Variants in CASZ1 observed in about 807,000 individuals in gnomAD.
CASZ1 encodes the protein zinc finger protein castor homolog 1.
A neutral mutation model predicts 135.2 loss-of-function variants in CASZ1; 28 were observed. The ratio of observed to expected loss-of-function variants is 0.21; its 90% CI spans 0.15 to 0.28. The LOEUF is 0.28. Ranked by LOEUF, CASZ1 falls within the 10% of genes least tolerant of loss-of-function variation. CASZ1 has a pLI of 1.00. For synonymous variants in CASZ1, 1,068 were observed against 1,073.4 expected (o/e 0.99, Z 0.10); for missense variants, 2,161 against 2,453.3 (o/e 0.88, Z 2.52).
intron 2 of CASZ1, among the ~76,000 whole-genome samples, chr1:10,729,929 C>T (rs1339824128): frequency 1.3e-5 from 2 of 152,062 alleles, no homozygotes; most frequent in African/African-American, 4.8e-5. Flanking sequence ...AATTCTCTGC[C>T]TTAGCCTCCA....
intron 2 of CASZ1, among the ~76,000 whole-genome samples, chr1:10,729,847 G>T (rs1000113153): frequency 6.6e-6 from 1 of 151,914 alleles, no homozygotes; most frequent in Non-Finnish European, 1.5e-5. Context: ...ATGGAGTCTC[G>T]CTCTGTCGCC....
chr1:10,754,043 C>G (rs922326265), intron 2 of CASZ1, among the ~76,000 whole-genome samples: 2 of 152,132 alleles, frequency 1.3e-5, no homozygotes, highest in African/African-American at 4.8e-5. Context: ...CTCCAACACG[C>G]CTCTGGGATC....
chr1:10,643,215 C>T lies in CASZ1; in HGVS notation c.3965G>A (p.Arg1322Gln), dbSNP rs1326600792. ...CCCCAGCATCCTCCGCATGTGCTTCCGCGCGTGGGAGGTCATCTGGTGCTT... is the reference window on the plus strand; with the variant it reads ...CCCCAGCATCCTCCGCATGTGCTTCTGCGCGTGGGAGGTCATCTGGTGCTT... ...LLKHQMTSHA[R>Q]KHMRRMLGKN... The change falls in exon 19 of 21, where the codon CGG becomes CAG. Residue 1322 changes from arginine (R) to glutamine (Q), a missense_variant. By Grantham distance (43) the Arg-to-Gln change is conservative (BLOSUM62 1). Coordinates refer to ENST00000377022, the MANE Select transcript of CASZ1 (RefSeq NM_001079843.3). 26 of 1,612,636 alleles carry T rather than the reference C, an allele frequency of 1.6e-5. No individual in the cohort carries two copies. Among genetic ancestry groups the T allele is most frequent in the Non-Finnish European group, 2.2e-5 (26 of 1,180,008 alleles).
Position 10,649,113 on chromosome 1 carries a change from C to A in CASZ1, c.3115G>T (p.Gly1039Cys). The change falls in exon 15 of 21, where the codon GGC becomes TGC. Residue 1039 changes from glycine (G) to cysteine (C), a missense_variant. This residue lies in a region of CASZ1 where 349 missense variants were observed against 460.8 expected (regional missense o/e 0.76). Transcript: ENST00000377022. ...CCGTCCAAGGTGCTGAAGAGCGCGCCGCATTCCTCCACCACGCAGTGGAAG... is the reference window on the plus strand; with the variant it reads ...CCGTCCAAGGTGCTGAAGAGCGCGCAGCATTCCTCCACCACGCAGTGGAAG... Reference protein sequence around the residue: ...AHFHCVVEECGALFSTLDGAI... With the variant: ...AHFHCVVEECCALFSTLDGAI... The A allele has an allele frequency of 6.2e-7, 1 of 1,613,668 alleles. No individual in the cohort carries two copies. Among genetic ancestry groups the A allele is most frequent in the Non-Finnish European group, 8.5e-7 (1 of 1,180,024 alleles).
intron 20 of CASZ1, among the ~76,000 whole-genome samples, chr1:10,641,159 C>T (rs1642188920): frequency 6.6e-6 from 1 of 152,236 alleles, no homozygotes; most frequent in African/African-American, 2.4e-5. Context: ...CCGGAGTGGA[C>T]AAAAACGGAG....
At position 10,697,527 on chromosome 1, in the gene CASZ1, CCA is replaced by C. The variant is rs1433993669; in HGVS notation, c.-23-3617_-23-3616del. ...AGCGGTTCCCCCCAACCCAGGCTCCCCACATCAGCACCAAGGAAAGCCATCTG... is the reference window on the plus strand; with the variant it reads ...AGCGGTTCCCCCCAACCCAGGCTCCCCATCAGCACCAAGGAAAGCCATCTG... On this transcript the variant is annotated intron_variant, in intron 3 of 20. Coordinates refer to ENST00000377022, the MANE Select transcript of CASZ1 (RefSeq NM_001079843.3). This position sits in a 1 kb window ranked among gnomAD's most constrained non-coding sequence, Gnocchi z 4.7. Among the ~76,000 whole-genome samples, 3 of 152,078 alleles carry C rather than the reference CCA, an allele frequency of 2.0e-5. No individual in the cohort carries two copies. The highest frequency in any genetic ancestry group is 4.4e-5 in the Non-Finnish European group (3 of 68,000).
At position 10,650,984 on chromosome 1, in the gene CASZ1, C is replaced by T; in HGVS notation, c.2773G>A (p.Ala925Thr). 2.5e-6 allele frequency: 4 copies of T among 1,580,344 alleles called. No homozygotes were observed. The South Asian group carries it at 3.5e-5, about 14-fold the overall frequency. ...AGGTCTAGACTGCGGTCCTGGGAGG[C>T]TTCGTGGGGGCCTGGGGCGCCGGTG... is the stretch of plus-strand genomic sequence containing the variant. ...ESTGAPGPHE[A>T]SQDRSLDLTV... Residue 925 changes from alanine to threonine, a missense_variant, in exon 12 of 21, where the codon GCC (alanine) becomes ACC (threonine). This residue lies in a region of CASZ1 where 406 missense variants were observed against 387.6 expected (regional missense o/e 1.05). Transcript: ENST00000377022.
At chr1:10,744,438 C>T (rs1217921292) in intron 2 of CASZ1, among the ~76,000 whole-genome samples, 2 of 20,156 alleles carry the variant, frequency 9.9e-5, no homozygotes, top group African/African-American at 4.8e-4. Flanking sequence ...CAGGCATGTC[C>T]TGGGCACCAC....
rs777083893 is a variant in CASZ1, at chr1:10,675,492, G to A, written c.17-9921C>T. 1.2e-3 allele frequency among the ~76,000 whole-genome samples: 182 copies of A among 152,106 alleles called. 1 individual carries two copies. The highest frequency in any genetic ancestry group is 1.3e-3 in the Non-Finnish European group (88 of 68,006). ...CCTGGGTGGGGAGGCTTCAAGAGGG[G>A]TGAGGCCAGTGCCCAGCTCAGCCTC... On this transcript the variant is annotated intron_variant, in intron 4 of 20. Transcript: ENST00000377022.
At chr1:10,650,412 C>T (rs1020495179) in intron 13 of CASZ1, 152 of 295,332 alleles carry the variant, frequency 5.1e-4, no homozygotes, top group Admixed American at 2.5e-3. Flanking sequence ...GAGGCACGAA[C>T]GAAGTTGAAG....
rs966367514 is a variant in CASZ1 at position 10,641,372 on chromosome 1, C to T, written c.4163-1313G>A. 6.6e-5 allele frequency among the ~76,000 whole-genome samples: 10 copies of T among 152,322 alleles called. No individual in the cohort carries two copies. In the South Asian group the frequency reaches 1.9e-3, roughly 28 times the overall value. ...CTGGCCATAACTCCTGGGGCCTGTA[C>T]TCAGGCAGCACGTGAGGCAAGAATT... On this transcript the variant is annotated intron_variant, in intron 20 of 20. Transcript: ENST00000377022.
chr1:10,750,454 T>A (rs907840540), intron 2 of CASZ1, among the ~76,000 whole-genome samples: 1 of 152,118 alleles, frequency 6.6e-6, no homozygotes, highest in African/African-American at 2.4e-5. Context: ...GGCTAATTTT[T>A]ATTTTTTAAT....
intron 4 of CASZ1, among the ~76,000 whole-genome samples, chr1:10,673,617 G>A (rs556577442): frequency 2.6e-5 from 4 of 152,262 alleles, no homozygotes; most frequent in East Asian, 3.9e-4. Context: ...ACCCATGCAC[G>A]CAGTCAAAGA....
In CASZ1 at chr1:10,646,919, C is replaced by T. The variant is rs573183968; in HGVS notation, c.3498-593G>A. Among the ~76,000 whole-genome samples the T allele has an allele frequency of 3.1e-4, 47 of 152,170 alleles. 1 individual carries two copies. The highest frequency in any genetic ancestry group is 3.2e-4 in the Non-Finnish European group (22 of 68,016). On this transcript the variant is annotated intron_variant, in intron 16 of 20. Transcript: ENST00000377022. This position sits in a 1 kb window ranked among gnomAD's most constrained non-coding sequence, Gnocchi z 6.4. Reference sequence around the variant, plus strand: ...CTCACTTGCCGGCGGAGTGGGAGAGCTGCTGGGGCAGAGCGGGTGTGCTGG... The same window carrying T: ...CTCACTTGCCGGCGGAGTGGGAGAGTTGCTGGGGCAGAGCGGGTGTGCTGG...
Position 10,648,070 on chromosome 1 carries a change from G to T in CASZ1, c.3228C>A (p.Ala1076=), listed in dbSNP as rs760833806. The change falls in exon 16 of 21, where the codon GCC becomes GCA. Residue 1076 remains alanine, a synonymous_variant. Coordinates refer to ENST00000377022, the MANE Select transcript of CASZ1 (RefSeq NM_001079843.3). ...NTEAAFPASA[A]ETKPPMAPSS... is the part of the protein sequence containing the mutation. ...AGGGGGCCATGGGAGGTTTGGTCTC[G>T]GCGGCCGAGGCCGGAAAGGCAGCCT... is the stretch of plus-strand genomic sequence containing the variant. 6.3e-7 allele frequency: 1 copy of T among 1,589,964 alleles called. No individual in the cohort carries two copies. Among genetic ancestry groups the T allele is most frequent in the Admixed American group, 1.8e-5 (1 of 55,698 alleles).
chr1:10,653,429 C>G lies in CASZ1; in HGVS notation c.2628G>C (p.Met876Ile), dbSNP rs1642664940. Residue 876 changes from methionine to isoleucine, a missense_variant, in exon 11 of 21, where the codon ATG (methionine) becomes ATC (isoleucine). Around this residue, in one of 7 missense-constraint regions of CASZ1, gnomAD observed 406 missense variants for 387.6 expected, o/e 1.05. Transcript: ENST00000377022. Reference sequence around the variant, plus strand: ...GGGCAGCTGCAGCCAGCCTGGCCATCATGGGCGAGATGAGGCCCTTGCTTG... The same window carrying G: ...GGGCAGCTGCAGCCAGCCTGGCCATGATGGGCGAGATGAGGCCCTTGCTTG... Reference protein sequence around the residue: ...ISASKGLISPMMARLAAAALK... With the variant: ...ISASKGLISPIMARLAAAALK... The G allele has an allele frequency of 1.9e-6, 3 of 1,613,260 alleles. No individual in the cohort carries two copies. Among genetic ancestry groups the G allele is most frequent in the Non-Finnish European group, 2.5e-6 (3 of 1,180,020 alleles).
In CASZ1 at chr1:10,657,743, G is replaced by GGACA. The variant is rs1179399477; in HGVS notation, c.1409+761_1409+764dup. On this transcript the variant is annotated intron_variant, in intron 7 of 20. Transcript: ENST00000377022. The surrounding 1 kb of genome is among the most constrained non-coding windows in gnomAD (Gnocchi z 5.7). Reference sequence around the variant, plus strand: ...GGCGGGAGGAACCTGGAAGATCTGCGGACAGACAGGCGCCAGCCGCTGGGT... The same window carrying GGACA: ...GGCGGGAGGAACCTGGAAGATCTGCGGACAGACAGACAGGCGCCAGCCGCTGGGT... Among the ~76,000 whole-genome samples, 1 of 147,006 alleles carries GGACA rather than the reference G, an allele frequency of 6.8e-6. No individual in the cohort carries two copies. The highest frequency in any genetic ancestry group is 2.5e-5 in the African/African-American group (1 of 39,880).
rs1275945705 is a variant in CASZ1 at position 10,777,989 on chromosome 1, TCATA to T, written c.-233-17136_-233-17133del. ...CTCATACGCAATCGCATACACAATC[TCATA>T]CAGTCTCATATACACTCACTCATAC... On this transcript the variant is annotated intron_variant, in intron 1 of 20. Transcript: ENST00000377022. This position sits in a 1 kb window ranked among gnomAD's most constrained non-coding sequence, Gnocchi z 4.4. 6.6e-6 allele frequency among the ~76,000 whole-genome samples: 1 copy of T among 151,070 alleles called. No homozygotes were observed. The highest frequency in any genetic ancestry group is 1.5e-5 in the Non-Finnish European group (1 of 67,868).
At chr1:10,703,091 A>C (rs1278107119) in intron 3 of CASZ1, among the ~76,000 whole-genome samples, 1 of 151,984 alleles carries the variant, frequency 6.6e-6, no homozygotes, top group African/African-American at 2.4e-5. Flanking sequence ...GATGGACAAA[A>C]GGCCAGGAGC....
Sources: allele counts gnomAD v4.1 joint callset (sites outside exome capture counted in the v4.1 genomes callset), GRCh38; gene constraint gnomAD v4.1.1; regional missense constraint gnomAD v4.1.1; non-coding constraint Gnocchi (gnomAD v3.1); transcripts MANE v1.5; gene names NCBI Gene and HGNC (gene_info 2026-07-23, HGNC 2026-07-21).